The following MRTFB variants were observed in gnomAD, a reference collection of about 807,000 sequenced individuals.
MRTFB encodes the protein myocardin related transcription factor B.
In MRTFB, 29 loss-of-function variants were observed where a neutral mutation model predicts 104.2. The ratio of observed to expected loss-of-function variants is 0.28; its 90% CI spans 0.21 to 0.38. MRTFB has a LOEUF of 0.38. MRTFB is among the 10% of genes least tolerant of loss of function. The pLI, the probability that MRTFB is intolerant of heterozygous loss-of-function variation, is 1.00. For missense variants in MRTFB, 1,270 were observed against 1,341.6 expected, an observed-to-expected ratio of 0.95 and a Z score of 0.83; for synonymous variants, 535 against 519.5, an observed-to-expected ratio of 1.03 and a Z score of -0.41.
chr16:14,063,470 T>C, the MRTFB span, among the ~76,000 whole-genome samples: 6 of 152,184 alleles, frequency 3.9e-5, no homozygotes, highest in African/African-American at 1.4e-4. Flanking sequence ...CAGCATGGTA[T>C]CCAATAGGTA....
At chr16:14,090,767 AG>A in intron 2 of MRTFB, among the ~76,000 whole-genome samples, 1 of 152,312 alleles carries the variant, frequency 6.6e-6, no homozygotes, top group East Asian at 1.9e-4. Context: ...CAGCCTATCT[AG>A]GATTATTGAT....
intron 2 of MRTFB, among the ~76,000 whole-genome samples, chr16:14,135,523 A>G (rs1404882735): frequency 6.6e-6 from 1 of 152,200 alleles, no homozygotes; most frequent in African/African-American, 2.4e-5. Context: ...TGTACCATCT[A>G]GGGTTGTGTA....
At chr16:14,249,958 G>A (rs1453518857) in intron 13 of MRTFB, among the ~76,000 whole-genome samples, 2 of 152,190 alleles carry the variant, frequency 1.3e-5, no homozygotes, top group African/African-American at 4.8e-5. Context: ...TCTCCTCTGC[G>A]AGAGGAATCA....
chr16:14,083,663 G>A (rs1248499739), intron 2 of MRTFB, among the ~76,000 whole-genome samples: 1 of 152,176 alleles, frequency 6.6e-6, no homozygotes, highest in Non-Finnish European at 1.5e-5. Context: ...CGCGGGTAAT[G>A]TAAAACTATC....
At chr16:14,218,683 TG>T in intron 7 of MRTFB, 136 bp from the exon 8 acceptor site, 1 of 755,986 alleles carries the variant, frequency 1.3e-6, no homozygotes, top group Non-Finnish European at 2.1e-6. Context: ...GTTCTTGCAC[TG>T]GGAGGTACAT....
At position 14,209,551 on chromosome 16, in the gene MRTFB, A is replaced by T. The variant is rs540624777; in HGVS notation, c.155-692A>T. ...GCTTGAGAAAACTAGAAAAAAATTA[A>T]TTTTTTATTAAATTTGGCAAACTGG... is the stretch of plus-strand genomic sequence containing the variant. On this transcript the variant is annotated intron_variant, in intron 3 of 16. Coordinates refer to ENST00000571589, the MANE Select transcript of MRTFB (RefSeq NM_001308142.2). 2.2e-4 allele frequency among the ~76,000 whole-genome samples: 33 copies of T among 152,286 alleles called. No individual in the cohort carries two copies. In the South Asian group the frequency reaches 6.8e-3, roughly 32 times the overall value.
chr16:14,091,225 CAG>C (rs1394954309), intron 2 of MRTFB, among the ~76,000 whole-genome samples: 1 of 152,084 alleles, frequency 6.6e-6, no homozygotes, highest in Non-Finnish European at 1.5e-5. Context: ...TTGTAGAAGA[CAG>C]AGGCTGGAAA....
At chr16:14,231,093 T>A (rs1286891962) in intron 8 of MRTFB, among the ~76,000 whole-genome samples, 1 of 132,626 alleles carries the variant, frequency 7.5e-6, no homozygotes, top group African/African-American at 2.9e-5. Flanking sequence ...TGAGAACACA[T>A]GGACACAGGA....
chr16:14,244,833 T>C (rs978028632), intron 10 of MRTFB, among the ~76,000 whole-genome samples: 38 of 152,354 alleles, frequency 2.5e-4, no homozygotes, highest in African/African-American at 9.1e-4. Flanking sequence ...AGATATGTTG[T>C]CCTGCACTGT....
At chr16:14,071,527 C>T (rs76652391) in intron 1 of MRTFB, among the ~76,000 whole-genome samples, 162 bp downstream of exon 1, 3,939 of 151,690 alleles carry the variant, frequency 0.026, 188 homozygotes, top group African/African-American at 0.09. Flanking sequence ...CCGCACCGTC[C>T]CCGGGACTCG....
chr16:14,103,402 G>A (rs1421470076), intron 2 of MRTFB, among the ~76,000 whole-genome samples: 1 of 152,160 alleles, frequency 6.6e-6, no homozygotes, highest in Non-Finnish European at 1.5e-5. Flanking sequence ...ATTTGGAGGG[G>A]GGATATGGGG....
chr16:14,100,284 T>C (rs1347061141), intron 2 of MRTFB, among the ~76,000 whole-genome samples: 2 of 152,220 alleles, frequency 1.3e-5, no homozygotes, highest in African/African-American at 2.4e-5. Context: ...CTTCTATTCC[T>C]AGTTTGCTGA....
chr16:14,227,375 C>T (rs1223353296), intron 8 of MRTFB, among the ~76,000 whole-genome samples: 1 of 152,226 alleles, frequency 6.6e-6, no homozygotes, highest in Non-Finnish European at 1.5e-5. Context: ...TGTACACTGG[C>T]TCCATTTCCC....
intron 2 of MRTFB, among the ~76,000 whole-genome samples, chr16:14,137,163 C>T (rs950450427): frequency 6.6e-6 from 1 of 152,144 alleles, no homozygotes; most frequent in Admixed American, 6.5e-5. Context: ...AAAAGAAAAT[C>T]ATCAAGTAGT....
At chr16:14,001,163 G>T in the MRTFB span, among the ~76,000 whole-genome samples, 1 of 152,304 alleles carries the variant, frequency 6.6e-6, no homozygotes, top group African/African-American at 2.4e-5. Context: ...AGACGCTTGT[G>T]GTTGCAAGCA....
chr16:14,257,011 G>C (rs552415221), intron 15 of MRTFB, among the ~76,000 whole-genome samples: 1 of 152,276 alleles, frequency 6.6e-6, no homozygotes, highest in East Asian at 1.9e-4. Flanking sequence ...TTAGTCATTA[G>C]GGAAATGCAA....
At chr16:14,024,607 A>T in the MRTFB span, among the ~76,000 whole-genome samples, 1 of 152,222 alleles carries the variant, frequency 6.6e-6, no homozygotes, top group East Asian at 1.9e-4. Flanking sequence ...CATCACGAAG[A>T]AGGATGGCCA....
intron 3 of MRTFB, among the ~76,000 whole-genome samples, chr16:14,206,300 A>T (rs925690076): frequency 6.6e-6 from 1 of 152,120 alleles, no homozygotes; most frequent in Non-Finnish European, 1.5e-5. Context: ...GTGTCTCATG[A>T]CAATTAAGCT....
intron 4 of MRTFB, among the ~76,000 whole-genome samples, chr16:14,212,028 A>C (rs1010192963): frequency 6.6e-6 from 1 of 152,226 alleles, no homozygotes; most frequent in Non-Finnish European, 1.5e-5. Context: ...ATGACCATTA[A>C]GAGCAAAGAC....
Sources: gnomAD v4.1 joint callset for allele counts (sites outside exome capture counted in the v4.1 genomes callset) on GRCh38, gnomAD v4.1.1 for gene constraint, MANE v1.5 for transcripts, NCBI Gene and HGNC (gene_info 2026-07-23, HGNC 2026-07-21) for gene names.